The following B4GALNT3 variants were observed in gnomAD, a reference collection of about 807,000 sequenced individuals.
B4GALNT3 encodes beta-1,4-N-acetyl-galactosaminyltransferase 3.
A neutral mutation model predicts 120.2 loss-of-function variants in B4GALNT3; 86 were observed. The ratio of observed to expected loss-of-function variants is 0.72; its 90% CI spans 0.60 to 0.86. The LOEUF is 0.86. Among genes scored for constraint, B4GALNT3 ranks in the 40% least tolerant of loss-of-function variants. The probability of loss-of-function intolerance (pLI) is 0.00; values close to 1 mark genes in which losing one functional copy is unlikely to be tolerated. For missense variants in B4GALNT3, 1,167 were observed against 1,298.9 expected (o/e 0.90, Z 1.56); for synonymous variants, 518 against 510.4 (o/e 1.01, Z -0.20).
chr12:536,792 A>C (rs1306742831), intron 3 of B4GALNT3, among the ~76,000 whole-genome samples: 1 of 152,210 alleles, frequency 6.6e-6, no homozygotes, highest in African/African-American at 2.4e-5. Context: ...GACCCTGTGG[A>C]ATAGTATCAT....
chr12:494,273 C>T (rs191324417), intron 1 of B4GALNT3, among the ~76,000 whole-genome samples: 2 of 143,894 alleles, frequency 1.4e-5, no homozygotes, highest in Non-Finnish European at 3.0e-5. Context: ...CAGAGTGAGA[C>T]CTTGTATAAT....
chr12:559,670 C>T (rs775225607), intron 19 of B4GALNT3, among the ~76,000 whole-genome samples: 26 of 152,106 alleles, frequency 1.7e-4, no homozygotes, highest in South Asian at 1.5e-3. Context: ...CCTGGTACAC[C>T]GTGTACCAGG....
rs748845472 is a variant in B4GALNT3, at chr12:536,260, T to C, written c.316T>C (p.Leu106=). The change falls in exon 3 of 20, where the codon TTG becomes CTG. Residue 106 remains leucine (L), a synonymous_variant. Coordinates refer to ENST00000266383, the MANE Select transcript of B4GALNT3 (RefSeq NM_173593.4). ...AGGGGTGAGCAGTAACAGCAGCTAC[T>C]TGAAGTGGAACAAGCCTGTCCCCTG... ...DQGVSSNSSY[L]KWNKPVPWLS... 6.2e-7 allele frequency: 1 copy of C among 1,614,160 alleles called. No homozygotes were observed. Among genetic ancestry groups the C allele is most frequent in the East Asian group, 2.2e-5 (1 of 44,868 alleles).
intron 14 of B4GALNT3, among the ~76,000 whole-genome samples, chr12:555,798 T>C (rs1224741525): frequency 6.6e-6 from 1 of 152,036 alleles, no homozygotes; most frequent in African/African-American, 2.4e-5. Context: ...TTTATTTTTT[T>C]TTTTGAGACG....
intron 1 of B4GALNT3, among the ~76,000 whole-genome samples, chr12:491,782 G>A (rs1946341637): frequency 6.6e-6 from 1 of 152,104 alleles, no homozygotes; most frequent in African/African-American, 2.4e-5. Context: ...TAGGCCGGGT[G>A]CGGTGGCTTA....
chr12:559,343 AC>A lies in B4GALNT3; in HGVS notation c.2812del (p.Leu938TrpfsTer7). 6.2e-7 allele frequency: 1 copy of A among 1,613,998 alleles called. No individual in the cohort carries two copies. Among genetic ancestry groups the A allele is most frequent in the Non-Finnish European group, 8.5e-7 (1 of 1,179,974 alleles). On this transcript the variant is annotated frameshift_variant, in exon 19 of 20. Transcript: ENST00000266383. LOFTEE classifies it high-confidence loss of function. ...GGGCTGCTTGGCATCTACAAGTCTG[AC>A]CTGGACAGGATTGGGGGCATGAACA... Reference protein sequence around the residue: ...GFGLLGIYKSDLDRIGGMNTK... With the variant: ...GFGLLGIYKSXLDRIGGMNTK...
intron 1 of B4GALNT3, among the ~76,000 whole-genome samples, chr12:521,153 A>AC (rs1328790896): frequency 6.6e-6 from 1 of 151,888 alleles, no homozygotes; most frequent in Non-Finnish European, 1.5e-5. Flanking sequence ...CCCTCTCCCC[A>AC]CCCCTGAGTC....
intron 1 of B4GALNT3, among the ~76,000 whole-genome samples, chr12:464,777 A>G (rs1424921326): frequency 6.6e-6 from 1 of 152,192 alleles, no homozygotes; most frequent in Non-Finnish European, 1.5e-5. Context: ...ATCCCAAAGT[A>G]TTCTGAAGCT....
At chr12:481,080 GC>G (rs1555151584) in intron 1 of B4GALNT3, among the ~76,000 whole-genome samples, 1 of 152,222 alleles carries the variant, frequency 6.6e-6, no homozygotes, top group Non-Finnish European at 1.5e-5. Flanking sequence ...ACCATCAGAC[GC>G]TGAGGGAAGG....
At chr12:518,405 A>G (rs977207002) in intron 1 of B4GALNT3, among the ~76,000 whole-genome samples, 1 of 152,142 alleles carries the variant, frequency 6.6e-6, no homozygotes, top group Non-Finnish European at 1.5e-5. Context: ...TATAACCTAC[A>G]TACATCCTTC....
chr12:555,326 A>G, intron 14 of B4GALNT3: 1 of 456,674 alleles, frequency 2.2e-6, no homozygotes, highest in South Asian at 1.6e-5. Context: ...TCTTATGCAA[A>G]TGGAACCATG....
At chr12:466,612 A>C (rs147805051) in intron 1 of B4GALNT3, among the ~76,000 whole-genome samples, 96 of 152,350 alleles carry the variant, frequency 6.3e-4, no homozygotes, top group African/African-American at 2.2e-3. Context: ...TCTAAAGGGC[A>C]CTGGGCTGCA....
chr12:543,252 G>A (rs1238513142), intron 3 of B4GALNT3: 1 of 1,244,614 alleles, frequency 8.0e-7, no homozygotes. Flanking sequence ...GGGATAGAGT[G>A]GGCCGGACCC....
intron 11 of B4GALNT3, 66 bp from the exon 12 acceptor site, chr12:551,997 C>A: frequency 1.5e-6 from 2 of 1,292,128 alleles, no homozygotes; most frequent in South Asian, 1.2e-5. Context: ...AGGCTTAACC[C>A]TGGCTGGCTG....
chr12:486,009 G>A (rs1218435252), intron 1 of B4GALNT3, among the ~76,000 whole-genome samples: 1 of 152,090 alleles, frequency 6.6e-6, no homozygotes, highest in Non-Finnish European at 1.5e-5. Flanking sequence ...AACCTAAACT[G>A]TAATTGATGA....
intron 4 of B4GALNT3, 57 bp downstream of exon 4, chr12:544,491 C>T (rs1480956034): frequency 7.0e-7 from 1 of 1,427,644 alleles, no homozygotes; most frequent in Non-Finnish European, 9.9e-7. Context: ...CCTCTGCCCA[C>T]TTCTGTCTCT....
chr12:544,461 A>G (rs1592051199), intron 4 of B4GALNT3, 27 bp downstream of exon 4: 1 of 1,584,818 alleles, frequency 6.3e-7, no homozygotes, highest in Non-Finnish European at 8.7e-7. Context: ...TGCCTTGCCC[A>G]CCTCCCTCCA....
In B4GALNT3 at chr12:552,149, C is replaced by G. The variant is rs1043838845; in HGVS notation, c.1194C>G (p.Ala398=). The G allele has an allele frequency of 6.2e-7, 1 of 1,610,126 alleles. No individual in the cohort carries two copies. The highest frequency in any genetic ancestry group is 8.5e-7 in the Non-Finnish European group (1 of 1,176,440). ...THNKCFYQEN[A]YYQDRFSFQE... ...ATAAATGTTTCTACCAGGAAAACGCCTACTACCAAGACCGGTGAGAGACAC... is the reference window on the plus strand; with the variant it reads ...ATAAATGTTTCTACCAGGAAAACGCGTACTACCAAGACCGGTGAGAGACAC... Residue 398 remains alanine (A), a synonymous_variant, in exon 12 of 20, where the codon GCC becomes GCG. Transcript: ENST00000266383.
chr12:546,846 G>A (rs1021571700), intron 7 of B4GALNT3, 133 bp downstream of exon 7: 25 of 848,064 alleles, frequency 2.9e-5, no homozygotes, highest in Non-Finnish European at 1.1e-5. Context: ...CCCGGCAACC[G>A]GGTCTTTGGC....
Sources: allele counts gnomAD v4.1 joint callset (sites outside exome capture counted in the v4.1 genomes callset), GRCh38; gene constraint gnomAD v4.1.1; transcripts MANE v1.5; gene names NCBI Gene and HGNC (gene_info 2026-07-23, HGNC 2026-07-21).